Variants in THSD7B observed in about 807,000 individuals in gnomAD.
THSD7B encodes thrombospondin type-1 domain-containing protein 7B.
A neutral mutation model predicts 213.6 loss-of-function variants in THSD7B; 138 were observed. That is an observed-to-expected ratio of 0.65 (90% CI 0.56 to 0.74). THSD7B has a LOEUF of 0.74. Ranked by LOEUF, THSD7B falls within the 30% of genes least tolerant of loss-of-function variation. THSD7B has a pLI of 0.00. For synonymous variants in THSD7B, 742 were observed against 687.0 expected (o/e 1.08, Z -1.25); for missense variants, 1,931 against 1,991.5 (o/e 0.97, Z 0.58).
chr2:136,792,065 G>A (rs925499488), intron 1 of THSD7B, among the ~76,000 whole-genome samples: 4 of 151,930 alleles, frequency 2.6e-5, no homozygotes, highest in Non-Finnish European at 4.4e-5. Context: ...TTATCCTACT[G>A]GGTATGAAGT....
At chr2:137,455,241 G>T (rs145470323) in intron 15 of THSD7B, among the ~76,000 whole-genome samples, 11 of 152,250 alleles carry the variant, frequency 7.2e-5, no homozygotes, top group African/African-American at 2.2e-4. Flanking sequence ...TGGATGAGTG[G>T]TGCCTAGTTC....
At chr2:136,923,593 A>G (rs550388499) in intron 2 of THSD7B, among the ~76,000 whole-genome samples, 6 of 152,194 alleles carry the variant, frequency 3.9e-5, no homozygotes, top group South Asian at 2.1e-4. Context: ...AAGGGTTCCA[A>G]TTTCTCTCCA....
chr2:136,782,551 G>A (rs1266465207), intron 1 of THSD7B, among the ~76,000 whole-genome samples: 3 of 152,160 alleles, frequency 2.0e-5, no homozygotes, highest in East Asian at 1.9e-4. Context: ...AAATTGCTGC[G>A]TAGCAAAGAT....
chr2:137,144,675 A>C (rs1358460977), intron 5 of THSD7B, among the ~76,000 whole-genome samples: 3 of 152,054 alleles, frequency 2.0e-5, no homozygotes, highest in Middle Eastern at 3.2e-3. Flanking sequence ...TATCTGGTGG[A>C]AATAGATGAT....
intron 12 of THSD7B, among the ~76,000 whole-genome samples, chr2:137,279,630 A>G (rs1682953739): frequency 1.3e-5 from 2 of 152,248 alleles, no homozygotes; most frequent in South Asian, 4.2e-4. Context: ...TGAAAAAGCT[A>G]GGTCCAGGAA....
At chr2:137,193,454 C>CT (rs1158684860) in intron 7 of THSD7B, among the ~76,000 whole-genome samples, 1 of 152,116 alleles carries the variant, frequency 6.6e-6, no homozygotes, top group Non-Finnish European at 1.5e-5. Context: ...AATGTACTCT[C>CT]TTAGCAATTT....
intron 15 of THSD7B, among the ~76,000 whole-genome samples, chr2:137,452,284 T>C (rs1215118030): frequency 3.3e-5 from 5 of 152,038 alleles, no homozygotes; most frequent in Non-Finnish European, 7.4e-5. Context: ...CAGAAGATTA[T>C]AAAATCAATG....
At chr2:137,419,055 C>T (rs904844617) in intron 14 of THSD7B, among the ~76,000 whole-genome samples, 3 of 151,882 alleles carry the variant, frequency 2.0e-5, no homozygotes, top group Admixed American at 6.6e-5. Flanking sequence ...TTAGAAGCAC[C>T]TGCCACCACA....
At chr2:137,011,621 C>CCAACTCTGGTGCACTGTG (rs1686232324) in intron 2 of THSD7B, among the ~76,000 whole-genome samples, 2 of 152,194 alleles carry the variant, frequency 1.3e-5, no homozygotes, top group Non-Finnish European at 2.9e-5. Context: ...CTCCATCTTT[C>CCAACTCTGGTGCACTGTG]CAACTCTGGT....
chr2:137,365,344 G>A (rs1459675657), intron 12 of THSD7B, among the ~76,000 whole-genome samples: 1 of 152,286 alleles, frequency 6.6e-6, no homozygotes, highest in Non-Finnish European at 1.5e-5. Flanking sequence ...AGGACTTCAT[G>A]ACCAAAACAC....
chr2:136,906,598 G>A (rs1015309771), intron 2 of THSD7B: 1 of 152,092 alleles, frequency 6.6e-6, no homozygotes, highest in Non-Finnish European at 1.5e-5. Context: ...TAGTGATTTG[G>A]TATATTGATA....
intron 17 of THSD7B, among the ~76,000 whole-genome samples, chr2:137,581,047 AAT>A (rs1573722369): frequency 6.6e-6 from 1 of 152,178 alleles, no homozygotes; most frequent in African/African-American, 2.4e-5. Flanking sequence ...CAGGTGATAT[AAT>A]ATGTCTGAGC....
chr2:137,308,156 C>G (rs550559118), intron 12 of THSD7B, among the ~76,000 whole-genome samples: 1 of 152,096 alleles, frequency 6.6e-6, no homozygotes, highest in South Asian at 2.1e-4. Context: ...ACCCCTAGAA[C>G]ATTGTATGCA....
intron 2 of THSD7B, among the ~76,000 whole-genome samples, chr2:136,902,973 T>C (rs1262480473): frequency 6.6e-6 from 1 of 152,196 alleles, no homozygotes; most frequent in African/African-American, 2.4e-5. Flanking sequence ...TTGGATGAAA[T>C]TGGCTTGTGT....
At chr2:136,857,299 G>A (rs964983220) in intron 1 of THSD7B, among the ~76,000 whole-genome samples, 1 of 152,282 alleles carries the variant, frequency 6.6e-6, no homozygotes, top group Admixed American at 6.5e-5. Flanking sequence ...CACTGGGCAT[G>A]GCCACCCTGG....
intron 1 of THSD7B, among the ~76,000 whole-genome samples, chr2:136,820,867 T>C (rs1458563029): frequency 1.3e-5 from 2 of 151,960 alleles, no homozygotes; most frequent in South Asian, 2.1e-4. Flanking sequence ...CTGTATCTAC[T>C]TGAGAGAGGG....
At chr2:137,577,055 C>G (rs923900254) in intron 17 of THSD7B, among the ~76,000 whole-genome samples, 1 of 152,120 alleles carries the variant, frequency 6.6e-6, no homozygotes, top group African/African-American at 2.4e-5. Flanking sequence ...TTACAACCCT[C>G]ATACTACCTA....
intron 10 of THSD7B, among the ~76,000 whole-genome samples, chr2:137,243,013 A>T (rs933207998): frequency 6.6e-6 from 1 of 152,224 alleles, no homozygotes; most frequent in Admixed American, 6.5e-5. Flanking sequence ...ACAAGAGCAG[A>T]TACATTACAA....
chr2:137,243,946 G>A (rs927938231), intron 10 of THSD7B, among the ~76,000 whole-genome samples: 2 of 152,156 alleles, frequency 1.3e-5, no homozygotes, highest in African/African-American at 4.8e-5. Context: ...TTATTTATCT[G>A]ATCTTTTGAG....
Sources: allele counts gnomAD v4.1 joint callset (sites outside exome capture counted in the v4.1 genomes callset), GRCh38; gene constraint gnomAD v4.1.1; transcripts MANE v1.5; gene names NCBI Gene and HGNC (gene_info 2026-07-23, HGNC 2026-07-21).